Variants in OSBPL3 observed in about 807,000 individuals in gnomAD.
OSBPL3 encodes oxysterol binding protein like 3, also known as oxysterol-binding protein-related protein 3.
A neutral mutation model predicts 120.1 loss-of-function variants in OSBPL3; 65 were observed. The observed-to-expected ratio is 0.54, with a 90% CI of 0.44 to 0.67. The LOEUF (loss-of-function observed/expected upper bound fraction) is 0.67, where lower values mean the gene tolerates loss of function less well. Among genes scored for constraint, OSBPL3 ranks in the 30% least tolerant of loss-of-function variants. The probability of loss-of-function intolerance (pLI) is 0.00; values close to 1 mark genes in which losing one functional copy is unlikely to be tolerated. For synonymous variants in OSBPL3, 416 were observed against 402.6 expected (o/e 1.03, Z -0.40); for missense variants, 1,004 against 1,082.1 (o/e 0.93, Z 1.01).
At chr7:24,838,853 C>A (rs899588650) in intron 14 of OSBPL3, among the ~76,000 whole-genome samples, 6 of 152,214 alleles carry the variant, frequency 3.9e-5, no homozygotes, top group Non-Finnish European at 5.9e-5. Flanking sequence ...AAGCAGCACA[C>A]AAACTTGCTC....
At chr7:24,811,184 T>G (rs923722719) in intron 19 of OSBPL3, among the ~76,000 whole-genome samples, 1 of 152,244 alleles carries the variant, frequency 6.6e-6, no homozygotes, top group Non-Finnish European at 1.5e-5. Flanking sequence ...CCTGAACACA[T>G]TATTTTTCAT....
chr7:24,970,104 CTTTTTTTTTTTTTTTT>C (rs10540160), intron 1 of OSBPL3, among the ~76,000 whole-genome samples: 1 of 83,014 alleles, frequency 1.2e-5, no homozygotes, highest in Non-Finnish European at 2.1e-5. Context: ...TCGTCCCTTT[CTTTTTTTTTTTTTTTT>C]TTTTTTTGAG....
At chr7:24,931,954 T>C (rs1285554169) in intron 1 of OSBPL3, among the ~76,000 whole-genome samples, 2 of 152,182 alleles carry the variant, frequency 1.3e-5, no homozygotes, top group African/African-American at 4.8e-5. Flanking sequence ...GCTCTCATCC[T>C]CACTCTCCCA....
At chr7:24,920,524 G>C (rs1810264254) in intron 1 of OSBPL3, among the ~76,000 whole-genome samples, 1 of 152,132 alleles carries the variant, frequency 6.6e-6, no homozygotes, top group South Asian at 2.1e-4. Context: ...GTTTCTTTTT[G>C]AGTGATAGAA....
rs1318966647 is a variant in OSBPL3 at position 24,854,783 on chromosome 7, T to C, written c.1028-2149A>G. On this transcript the variant is annotated intron_variant, in intron 10 of 22. Transcript: ENST00000313367. The surrounding 1 kb of genome is among the most constrained non-coding windows in gnomAD (Gnocchi z 4.1). ...AGTAAATGATGTGCCTGAACCCTGGTTTCCACATTTGTAAATGGGGATAAT... is the reference window on the plus strand; with the variant it reads ...AGTAAATGATGTGCCTGAACCCTGGCTTCCACATTTGTAAATGGGGATAAT... Among the ~76,000 whole-genome samples the C allele has an allele frequency of 6.6e-6, 1 of 152,250 alleles. No homozygotes were observed. The highest frequency in any genetic ancestry group is 1.9e-4 in the East Asian group (1 of 5,204).
At chr7:24,875,695 AGAGT>A (rs1158062167) in intron 2 of OSBPL3, among the ~76,000 whole-genome samples, 8 of 151,956 alleles carry the variant, frequency 5.3e-5, no homozygotes, top group African/African-American at 1.2e-4. Flanking sequence ...CCTGGGTGAA[AGAGT>A]GAGACCCAGT....
At chr7:24,888,548 C>T (rs1054856028) in intron 2 of OSBPL3, among the ~76,000 whole-genome samples, 1 of 152,020 alleles carries the variant, frequency 6.6e-6, no homozygotes, top group East Asian at 1.9e-4. Flanking sequence ...TCTCAGGAGC[C>T]CCAGTATTTA....
intron 14 of OSBPL3, among the ~76,000 whole-genome samples, chr7:24,836,379 G>A (rs1796996919): frequency 6.6e-6 from 1 of 152,168 alleles, no homozygotes; most frequent in Non-Finnish European, 1.5e-5. Flanking sequence ...GTGTGGTTTG[G>A]AGTGCTTTCA....
At chr7:24,974,095 T>C (rs1817315902) in intron 1 of OSBPL3, among the ~76,000 whole-genome samples, 1 of 152,262 alleles carries the variant, frequency 6.6e-6, no homozygotes, top group Admixed American at 6.5e-5. Flanking sequence ...AAACTCAGTG[T>C]ATGTGTTATC....
chr7:24,888,681 AAGCTCTTTTAACAT>A (rs1189779182), intron 2 of OSBPL3, among the ~76,000 whole-genome samples: 1 of 152,220 alleles, frequency 6.6e-6, no homozygotes, highest in Non-Finnish European at 1.5e-5. Flanking sequence ...TCAAGGAAGC[AAGCTCTTTTAACAT>A]AGGTATATAG....
chr7:24,895,585 C>T (rs142428424), intron 1 of OSBPL3, among the ~76,000 whole-genome samples: 2 of 152,146 alleles, frequency 1.3e-5, no homozygotes, highest in African/African-American at 4.8e-5. Flanking sequence ...TAAGGTATCC[C>T]AGGTGCCAAG....
intron 12 of OSBPL3, among the ~76,000 whole-genome samples, chr7:24,846,326 T>C (rs1223840310): frequency 1.3e-5 from 2 of 152,236 alleles, no homozygotes; most frequent in Admixed American, 1.3e-4. Flanking sequence ...ACAAGCTGTA[T>C]GTCTGGAGGA....
intron 2 of OSBPL3, among the ~76,000 whole-genome samples, chr7:24,882,624 T>A (rs1165365564): frequency 6.6e-6 from 1 of 152,224 alleles, no homozygotes; most frequent in Non-Finnish European, 1.5e-5. Context: ...GTAGATCACA[T>A]GGTAGTTCTT....
intron 20 of OSBPL3, among the ~76,000 whole-genome samples, chr7:24,807,898 C>A (rs1019384988): frequency 6.6e-6 from 1 of 151,960 alleles, no homozygotes; most frequent in Non-Finnish European, 1.5e-5. Context: ...CTTCTGCAGA[C>A]CCCCCCTTTT....
intron 1 of OSBPL3, among the ~76,000 whole-genome samples, chr7:24,908,551 A>C (rs1222249105): frequency 6.6e-6 from 1 of 152,214 alleles, no homozygotes; most frequent in Admixed American, 6.5e-5. Context: ...GCTTCTTTAC[A>C]GTAAAACATC....
At position 24,804,535 on chromosome 7, in the gene OSBPL3, A is replaced by G. The variant is rs1201102724; in HGVS notation, c.2445-98T>C. The G allele has an allele frequency of 2.6e-6, 3 of 1,167,206 alleles. No homozygotes were observed. In the African/African-American group the frequency reaches 4.7e-5, roughly 18 times the overall value. The allele number at this position is 1,167,206 out of a possible 1,614,324, so 72.3% of individuals were successfully genotyped here. Reference sequence around the variant, plus strand: ...GCATGTGTCCACGACTGGATATTCAAAATCCTCTCCTATACGTAAGACCCC... The same window carrying G: ...GCATGTGTCCACGACTGGATATTCAGAATCCTCTCCTATACGTAAGACCCC... On this transcript the variant is annotated intron_variant, in intron 21 of 22. Coordinates refer to ENST00000313367, the MANE Select transcript of OSBPL3 (RefSeq NM_015550.4). The surrounding 1 kb of genome is among the most constrained non-coding windows in gnomAD (Gnocchi z 5.4).
chr7:24,812,232 G>A (rs1584206115), intron 19 of OSBPL3, among the ~76,000 whole-genome samples: 1 of 150,722 alleles, frequency 6.6e-6, no homozygotes, highest in Non-Finnish European at 1.5e-5. Context: ...ACTTGAACCC[G>A]GGAGGCGGAA....
chr7:24,889,211 G>A (rs1270990726), intron 2 of OSBPL3, among the ~76,000 whole-genome samples: 1 of 152,190 alleles, frequency 6.6e-6, no homozygotes, highest in Non-Finnish European at 1.5e-5. Flanking sequence ...TCACATGGAT[G>A]AACTGGAGGA....
rs1800815978 is a variant in OSBPL3 at position 24,863,183 on chromosome 7, G to A, written c.870+17C>T. Reference sequence around the variant, plus strand: ...GGCCAATGAAGAAACCAGTCTGTCAGGGGAAGCAATGGTTACCTGCAGTGT... The same window carrying A: ...GGCCAATGAAGAAACCAGTCTGTCAAGGGAAGCAATGGTTACCTGCAGTGT... On this transcript the variant is annotated intron_variant, in intron 9 of 22. Transcript: ENST00000313367. The surrounding 1 kb of genome is among the most constrained non-coding windows in gnomAD (Gnocchi z 5.8). The A allele has an allele frequency of 1.3e-6, 2 of 1,588,918 alleles. No individual in the cohort carries two copies. Among genetic ancestry groups the A allele is most frequent in the Non-Finnish European group, 1.7e-6 (2 of 1,157,118 alleles).
Sources: allele counts gnomAD v4.1 joint callset (sites outside exome capture counted in the v4.1 genomes callset), GRCh38; gene constraint gnomAD v4.1.1; non-coding constraint Gnocchi (gnomAD v3.1); transcripts MANE v1.5; gene names NCBI Gene and HGNC (gene_info 2026-07-23, HGNC 2026-07-21).